Variants in GAS7 observed in about 807,000 individuals in gnomAD.
GAS7 encodes the protein growth arrest specific 7.
Under a neutral mutation model 71.1 loss-of-function variants are expected in GAS7, and 28 were observed. That is an observed-to-expected ratio of 0.39 (90% CI 0.29 to 0.54). GAS7 has a LOEUF of 0.54. Ranked by LOEUF, GAS7 falls within the 20% of genes least tolerant of loss-of-function variation. The probability of loss-of-function intolerance (pLI) is 0.62; values close to 1 mark genes in which losing one functional copy is unlikely to be tolerated. For synonymous variants in GAS7, 258 were observed against 245.8 expected, an observed-to-expected ratio of 1.05 and a Z score of -0.46; for missense variants, 436 against 627.8, an observed-to-expected ratio of 0.69 and a Z score of 3.27.
chr17:10,045,314 C>T (rs577554287), intron 1 of GAS7, among the ~76,000 whole-genome samples: 91 of 152,286 alleles, frequency 6.0e-4, no homozygotes, highest in African/African-American at 1.9e-3. Context: ...AGAGGGCTCC[C>T]GTGAGGTGAC....
intron 1 of GAS7, among the ~76,000 whole-genome samples, chr17:10,144,613 G>A (rs922377724): frequency 1.3e-5 from 2 of 151,940 alleles, no homozygotes; most frequent in African/African-American, 4.8e-5. Context: ...GCGCAATCAC[G>A]GCTCACTGCA....
chr17:10,186,349 C>T (rs1597842683), intron 1 of GAS7, among the ~76,000 whole-genome samples: 1 of 151,328 alleles, frequency 6.6e-6, no homozygotes, highest in African/African-American at 2.4e-5. Flanking sequence ...TGATATTGTA[C>T]AGCTAGGCTC....
At chr17:10,056,226 G>A (rs1597756615) in intron 1 of GAS7, among the ~76,000 whole-genome samples, 1 of 152,144 alleles carries the variant, frequency 6.6e-6, no homozygotes, top group African/African-American at 2.4e-5. Context: ...CAGGCATGGT[G>A]GTGTGTGCCT....
intron 2 of GAS7, among the ~76,000 whole-genome samples, chr17:9,992,807 C>A (rs973111342): frequency 2.0e-5 from 3 of 147,334 alleles, no homozygotes; most frequent in East Asian, 2.0e-4. Context: ...TCCTGTGTCC[C>A]TGTGTTCTCA....
chr17:10,094,690 G>A lies in GAS7; in HGVS notation c.184-74793C>T, dbSNP rs190711151. On this transcript the variant is annotated intron_variant, in intron 1 of 13. Coordinates refer to ENST00000432992, the MANE Select transcript of GAS7 (RefSeq NM_201433.2). ...TCACCGTGTTAGCCAGGATAGTCTC[G>A]ATCTCCTGACCTCATGATCCGCCCG... Among the ~76,000 whole-genome samples the A allele has an allele frequency of 8.0e-3, 1,218 of 152,010 alleles. 4 individuals carry two copies. Among genetic ancestry groups the A allele is most frequent in the Non-Finnish European group, 0.012 (803 of 67,990 alleles).
At position 9,911,028 on chromosome 17, in the gene GAS7, C is replaced by A; in HGVS notation, c.*6200G>T. 4.3e-6 allele frequency: 1 copy of A among 233,070 alleles called. No homozygotes were observed. Among genetic ancestry groups the A allele is most frequent in the Non-Finnish European group, 8.5e-6 (1 of 117,782 alleles). 14.4% of individuals were successfully genotyped at this position (233,070 alleles called of 1,614,324 possible). A position where few individuals can be genotyped will look rare whatever the true frequency, so the allele number is the denominator to read the frequency against. ...CTTTCATAGGGTTTGCCGATGTGCTCGTGTCTGTGAAGGGGTTGCTTCCGG... is the reference window on the plus strand; with the variant it reads ...CTTTCATAGGGTTTGCCGATGTGCTAGTGTCTGTGAAGGGGTTGCTTCCGG... On this transcript the variant is annotated 3_prime_UTR_variant, in exon 14 of 14. Transcript: ENST00000432992. The surrounding 1 kb of genome is among the most constrained non-coding windows in gnomAD (Gnocchi z 4.0).
In GAS7 at chr17:9,919,550, C is replaced by T. The variant is rs528452960; in HGVS notation, c.1218+76G>A. 71 of 1,032,934 alleles carry T rather than the reference C, an allele frequency of 6.9e-5. No homozygotes were observed. In the East Asian group the frequency reaches 1.1e-3, roughly 15 times the overall value. 64.0% of individuals were successfully genotyped at this position (1,032,934 alleles called of 1,614,324 possible). On this transcript the variant is annotated intron_variant, in intron 12 of 13. Coordinates refer to ENST00000432992, the MANE Select transcript of GAS7 (RefSeq NM_201433.2). This position sits in a 1 kb window ranked among gnomAD's most constrained non-coding sequence, Gnocchi z 5.0. The stretch of plus-strand genomic sequence containing the variant: ...GGGTCACTCCACCCCATCATCCCCG[C>T]GCCCACCAACAACCACCAGGGGCTG...
intron 1 of GAS7, among the ~76,000 whole-genome samples, chr17:10,167,674 C>A (rs1430419585): frequency 6.6e-6 from 1 of 151,080 alleles, no homozygotes; most frequent in Non-Finnish European, 1.5e-5. Context: ...CTTTTTTTTT[C>A]TGTGTCTTTT....
intron 1 of GAS7, among the ~76,000 whole-genome samples, chr17:10,061,893 T>C (rs1169349010): frequency 6.6e-6 from 1 of 152,208 alleles, no homozygotes; most frequent in Non-Finnish European, 1.5e-5. Flanking sequence ...CTAGGGGCGC[T>C]TTTTCCCCAG....
intron 1 of GAS7, among the ~76,000 whole-genome samples, chr17:10,188,197 C>T (rs756723269): frequency 5.9e-4 from 89 of 151,942 alleles, no homozygotes; most frequent in Non-Finnish European, 1.1e-3. Context: ...GAGCCGAGAT[C>T]GCGCCACTGC....
At chr17:10,124,164 C>T (rs1214130629) in intron 1 of GAS7, among the ~76,000 whole-genome samples, 1 of 152,236 alleles carries the variant, frequency 6.6e-6, no homozygotes, top group South Asian at 2.1e-4. Flanking sequence ...GCTCCCCGCG[C>T]GGCTCCCAGC....
In GAS7 at chr17:9,945,210, C is replaced by G. The variant is rs192640718; in HGVS notation, c.615+1684G>C. ...CCTCTTGAGAGATGATGTTTCCAAA[C>G]CCAGGTACATCTCTCCCTCTCTGCC... On this transcript the variant is annotated intron_variant, in intron 6 of 13. Coordinates refer to ENST00000432992, the MANE Select transcript of GAS7 (RefSeq NM_201433.2). Among the ~76,000 whole-genome samples, 49 of 152,238 alleles carry G rather than the reference C, an allele frequency of 3.2e-4. No homozygotes were observed. The East Asian group carries it at 9.1e-3, about 28-fold the overall frequency.
chr17:10,006,316 C>CTTTTTTTTTTTTTTTTTTTTT (rs1168698479), intron 2 of GAS7, among the ~76,000 whole-genome samples: 2 of 65,572 alleles, frequency 3.1e-5, no homozygotes, highest in African/African-American at 5.3e-5. Context: ...GCCCCAGATT[C>CTTTTTTTTTTTTTTTTTTTTT]TTTTTTTTTT....
chr17:9,930,814 C>T (rs985574565), intron 9 of GAS7, among the ~76,000 whole-genome samples: 4 of 152,172 alleles, frequency 2.6e-5, no homozygotes, highest in African/African-American at 9.7e-5. Flanking sequence ...CTCAAGGAAT[C>T]GCCATAAAAC....
At position 10,011,932 on chromosome 17, in the gene GAS7, A is replaced by G. The variant is rs375050697; in HGVS notation, c.304+7845T>C. On this transcript the variant is annotated intron_variant, in intron 2 of 13. Coordinates refer to ENST00000432992, the MANE Select transcript of GAS7 (RefSeq NM_201433.2). Reference sequence around the variant, plus strand: ...TGGAGGTTGTGTGGGCCGAGATTGCACCATTGCACTCCAGCTTGGGCAACA... The same window carrying G: ...TGGAGGTTGTGTGGGCCGAGATTGCGCCATTGCACTCCAGCTTGGGCAACA... Among the ~76,000 whole-genome samples, 7 of 150,236 alleles carry G rather than the reference A, an allele frequency of 4.7e-5. No homozygotes were observed. The East Asian group carries it at 1.4e-3, about 30-fold the overall frequency.
intron 3 of GAS7, among the ~76,000 whole-genome samples, chr17:9,973,282 T>C (rs902871698): frequency 8.4e-5 from 12 of 143,580 alleles, no homozygotes; most frequent in Non-Finnish European, 1.8e-4. Context: ...TGAGACGGAG[T>C]CTTGCTTCAT....
At chr17:10,137,729 C>T (rs1040553188) in intron 1 of GAS7, among the ~76,000 whole-genome samples, 5 of 151,822 alleles carry the variant, frequency 3.3e-5, no homozygotes, top group African/African-American at 7.3e-5. Flanking sequence ...TTAGTAGAGA[C>T]GGGGTTTTGC....
At chr17:9,940,974 G>A (rs1420763646) in intron 7 of GAS7, among the ~76,000 whole-genome samples, 1 of 152,238 alleles carries the variant, frequency 6.6e-6, no homozygotes, top group Non-Finnish European at 1.5e-5. Context: ...CCAGAGCCCA[G>A]GCTTCGGAGA....
chr17:10,069,434 G>A (rs1288539551), intron 1 of GAS7, among the ~76,000 whole-genome samples: 1 of 152,186 alleles, frequency 6.6e-6, no homozygotes, highest in East Asian at 1.9e-4. Context: ...ACCAGCCTCT[G>A]AGTTCAGTAT....
Sources: gnomAD v4.1 joint callset for allele counts (sites outside exome capture counted in the v4.1 genomes callset) on GRCh38, gnomAD v4.1.1 for gene constraint, Gnocchi (gnomAD v3.1) non-coding constraint, MANE v1.5 for transcripts, NCBI Gene and HGNC (gene_info 2026-07-23, HGNC 2026-07-21) for gene names.